Variants in PRPF18 observed in about 807,000 individuals in gnomAD.
PRPF18 encodes pre-mRNA-splicing factor 18.
In PRPF18, 38 loss-of-function variants were observed where a neutral mutation model predicts 46.5. The ratio of observed to expected loss-of-function variants is 0.82; its 90% CI spans 0.63 to 1.07. The LOEUF (loss-of-function observed/expected upper bound fraction) is 1.07, where lower values mean the gene tolerates loss of function less well. Ranked by LOEUF, PRPF18 falls within the 50% of genes least tolerant of loss-of-function variation. The pLI, the probability that PRPF18 is intolerant of heterozygous loss-of-function variation, is 0.00. For synonymous variants in PRPF18, 152 were observed against 146.7 expected (o/e 1.04, Z -0.26); for missense variants, 263 against 410.0 (o/e 0.64, Z 3.10).
chr10:13,590,754 A>C (rs2079949577), intron 1 of PRPF18, among the ~76,000 whole-genome samples: 1 of 152,188 alleles, frequency 6.6e-6, no homozygotes, highest in Non-Finnish European at 1.5e-5. Flanking sequence ...ACTGGAAGCT[A>C]AGAGAAGTTA....
chr10:13,620,204 C>T (rs2080402781), intron 9 of PRPF18, among the ~76,000 whole-genome samples: 1 of 152,092 alleles, frequency 6.6e-6, no homozygotes, highest in Admixed American at 6.5e-5. Flanking sequence ...TACTTCTTGC[C>T]ATCTCTAACT....
intron 9 of PRPF18, among the ~76,000 whole-genome samples, chr10:13,628,905 T>C (rs917852118): frequency 6.6e-6 from 1 of 152,212 alleles, no homozygotes; most frequent in Non-Finnish European, 1.5e-5. Context: ...CTCAGGTCTC[T>C]GCCCTTGCCC....
chr10:13,592,244 A>G (rs2079974789), intron 1 of PRPF18: 2 of 544,346 alleles, frequency 3.7e-6, no homozygotes, highest in Non-Finnish European at 6.9e-6. Context: ...ACCCTTTTTC[A>G]CCTTGTCACC....
chr10:13,637,153 T>A, the PRPF18 span: 1 of 152,218 alleles, frequency 6.6e-6, no homozygotes, highest in African/African-American at 2.4e-5. Flanking sequence ...TGAATATACA[T>A]CTCTCTATTT....
At chr10:13,643,703 G>C in the PRPF18 span, 1 of 152,556 alleles carries the variant, frequency 6.6e-6, no homozygotes, top group Non-Finnish European at 1.5e-5. Context: ...GAGGCAGCTG[G>C]GATCTTTTCA....
At chr10:13,635,467 C>A (rs2080629126), downstream of PRPF18, among the ~76,000 whole-genome samples, 1 of 152,182 alleles carries the variant, frequency 6.6e-6, no homozygotes, top group Non-Finnish European at 1.5e-5. Context: ...TGAAAAATTG[C>A]CACACTGTCT....
At chr10:13,604,335 T>C (rs1189004752) in intron 3 of PRPF18, among the ~76,000 whole-genome samples, 1 of 152,226 alleles carries the variant, frequency 6.6e-6, no homozygotes, top group African/African-American at 2.4e-5. Context: ...ACGTTTTCTG[T>C]TTCTTTCTTC....
chr10:13,631,299 G>C (rs1038345338), downstream of PRPF18: 1 of 152,356 alleles, frequency 6.6e-6, no homozygotes, highest in Non-Finnish European at 1.5e-5. Context: ...AGAGGCCTCT[G>C]TTCACATGGC....
At chr10:13,610,908 G>A (rs574870614) in intron 5 of PRPF18, among the ~76,000 whole-genome samples, 2 of 152,348 alleles carry the variant, frequency 1.3e-5, no homozygotes, top group Non-Finnish European at 2.9e-5. Flanking sequence ...TTTTGCTATA[G>A]TGCTGCTTTT....
At chr10:13,591,807 C>CA (rs1378073181) in intron 1 of PRPF18, 1 of 1,443,144 alleles carries the variant, frequency 6.9e-7, no homozygotes, top group Non-Finnish European at 9.3e-7. Flanking sequence ...TCACAAGTAA[C>CA]AAGCCACTAG....
chr10:13,611,803 A>C, intron 6 of PRPF18, 120 bp downstream of exon 6: 1 of 755,232 alleles, frequency 1.3e-6, no homozygotes. Context: ...TTTCTCACAC[A>C]TACATGATGT....
intron 9 of PRPF18, among the ~76,000 whole-genome samples, chr10:13,629,216 G>T (rs1317278464): frequency 6.6e-6 from 1 of 152,206 alleles, no homozygotes; most frequent in Non-Finnish European, 1.5e-5. Context: ...GTGTATTGTA[G>T]TTGTCTAAAA....
the PRPF18 span, chr10:13,638,733 C>G: frequency 2.0e-5 from 3 of 152,126 alleles, no homozygotes; most frequent in Non-Finnish European, 4.4e-5. Context: ...CCCGTATGCA[C>G]TGAGAAGGGC....
At position 13,613,727 on chromosome 10, in the gene PRPF18, C is replaced by T. The variant is rs2133758877; in HGVS notation, c.580-14C>T. ...GGTGGCATTGTAGTCTAAGTTTACC[C>T]ATCCTTTCAACAGTTTCTTCTTGGC... On this transcript the variant is annotated splice_polypyrimidine_tract_variant and intron_variant, in intron 6 of 9. Transcript: ENST00000378572. 1.2e-6 allele frequency: 2 copies of T among 1,608,544 alleles called. No individual in the cohort carries two copies. Among genetic ancestry groups the T allele is most frequent in the East Asian group, 4.5e-5 (2 of 44,858 alleles).
the PRPF18 span, chr10:13,637,765 G>C: frequency 6.6e-6 from 1 of 152,158 alleles, no homozygotes; most frequent in Admixed American, 6.5e-5. Context: ...TCTTCCTCTT[G>C]TTTAATGATG....
chr10:13,587,450 C>T (rs116723838), intron 1 of PRPF18, among the ~76,000 whole-genome samples: 1,931 of 152,336 alleles, frequency 0.013, 42 homozygotes, highest in African/African-American at 0.044. Flanking sequence ...TTAACGCCCA[C>T]GTCCAAAAGC....
At chr10:13,629,070 G>A (rs1309970165) in intron 9 of PRPF18, among the ~76,000 whole-genome samples, 2 of 152,208 alleles carry the variant, frequency 1.3e-5, no homozygotes, top group Non-Finnish European at 2.9e-5. Flanking sequence ...GAAAGAGACA[G>A]GATGAAATTG....
intron 3 of PRPF18, among the ~76,000 whole-genome samples, chr10:13,604,834 A>G (rs939052855): frequency 6.6e-6 from 1 of 152,252 alleles, no homozygotes; most frequent in African/African-American, 2.4e-5. Context: ...GATCACCAAA[A>G]ATATGCTGAC....
the PRPF18 span, among the ~76,000 whole-genome samples, chr10:13,636,097 T>G: frequency 1.3e-5 from 2 of 152,116 alleles, no homozygotes; most frequent in Non-Finnish European, 2.9e-5. Context: ...AAACAAGGTA[T>G]TACAAAATAA....
Sources: gnomAD v4.1 joint callset for allele counts (sites outside exome capture counted in the v4.1 genomes callset) on GRCh38, gnomAD v4.1.1 for gene constraint, MANE v1.5 for transcripts, NCBI Gene and HGNC (gene_info 2026-07-23, HGNC 2026-07-21) for gene names.